CPPED1: variants seen among roughly 807,000 people sequenced by gnomAD.
CPPED1 encodes the protein serine/threonine-protein phosphatase CPPED1.
Under a neutral mutation model 28.0 loss-of-function variants are expected in CPPED1, and 28 were observed. The observed-to-expected ratio is 1.00, with a 90% CI of 0.74 to 1.37. CPPED1 has a LOEUF of 1.37. CPPED1 is among the 40% of genes most tolerant of loss of function. The probability of loss-of-function intolerance (pLI) is 0.00; values close to 1 mark genes in which losing one functional copy is unlikely to be tolerated. For missense variants in CPPED1, 504 were observed against 416.5 expected (o/e 1.21, Z -1.83); for synonymous variants, 198 against 180.2 (o/e 1.10, Z -0.79).
At chr16:12,747,757 T>C (rs894486217) in intron 2 of CPPED1, among the ~76,000 whole-genome samples, 10 of 152,322 alleles carry the variant, frequency 6.6e-5, no homozygotes, top group East Asian at 1.9e-4. Context: ...GCACTCATTA[T>C]TGTGATTGTA....
intron 2 of CPPED1, among the ~76,000 whole-genome samples, chr16:12,739,138 G>A (rs993322655): frequency 3.3e-5 from 5 of 152,102 alleles, no homozygotes; most frequent in African/African-American, 4.8e-5. Flanking sequence ...AAATAGTAGC[G>A]CCTCACTGGA....
chr16:12,774,510 A>T (rs1453099787), intron 2 of CPPED1, among the ~76,000 whole-genome samples: 1 of 152,136 alleles, frequency 6.6e-6, no homozygotes, highest in Non-Finnish European at 1.5e-5. Context: ...CTTATTAACA[A>T]GGGCTTTTGT....
At chr16:12,751,201 T>C (rs939667943) in intron 2 of CPPED1, among the ~76,000 whole-genome samples, 1 of 152,190 alleles carries the variant, frequency 6.6e-6, no homozygotes, top group South Asian at 2.1e-4. Context: ...CAGAGGAATG[T>C]TCTCAGGGAG....
chr16:12,754,716 T>C (rs1009005967), intron 2 of CPPED1, among the ~76,000 whole-genome samples: 6 of 152,140 alleles, frequency 3.9e-5, no homozygotes, highest in Non-Finnish European at 5.9e-5. Flanking sequence ...AAGTGTAGCA[T>C]AGGCAGGTGC....
chr16:12,708,039 C>T (rs528616765), intron 2 of CPPED1, among the ~76,000 whole-genome samples: 5 of 152,178 alleles, frequency 3.3e-5, no homozygotes, highest in Admixed American at 6.5e-5. Context: ...CCCAGCTACT[C>T]GGGAGGCTGA....
rs2080066990 is a variant in CPPED1, at chr16:12,709,190, C to T, written c.290-4141G>A. Among the ~76,000 whole-genome samples the T allele has an allele frequency of 6.6e-6, 1 of 152,112 alleles. No homozygotes were observed. Among genetic ancestry groups the T allele is most frequent in the Non-Finnish European group, 1.5e-5 (1 of 68,032 alleles). Reference sequence around the variant, plus strand: ...AGGACACAGAGCTTCAATGAGTTTCCTGTCTCACGCAGGGTTCTATGTTCA... The same window carrying T: ...AGGACACAGAGCTTCAATGAGTTTCTTGTCTCACGCAGGGTTCTATGTTCA... On this transcript the variant is annotated intron_variant, in intron 2 of 3. Coordinates refer to ENST00000381774, the MANE Select transcript of CPPED1 (RefSeq NM_018340.3). This position sits in a 1 kb window ranked among gnomAD's most constrained non-coding sequence, Gnocchi z 4.4.
chr16:12,772,099 G>A (rs1350515702), intron 2 of CPPED1, among the ~76,000 whole-genome samples: 2 of 152,160 alleles, frequency 1.3e-5, no homozygotes, highest in South Asian at 2.1e-4. Context: ...CTCCAGCCTG[G>A]GCAACAGAAC....
rs1424502695 is a variant in CPPED1, at chr16:12,688,189, C to A, written c.715+16435G>T. Reference sequence around the variant, plus strand: ...GGGACTACAGGTGCACACCACAACACTCACACAATCTTAAGAGGAACCACA... The same window carrying A: ...GGGACTACAGGTGCACACCACAACAATCACACAATCTTAAGAGGAACCACA... On this transcript the variant is annotated intron_variant, in intron 3 of 3. Transcript: ENST00000381774. Among the ~76,000 whole-genome samples the A allele has an allele frequency of 2.0e-5, 3 of 151,916 alleles. No individual in the cohort carries two copies. The Admixed American group carries it at 2.0e-4, about 10-fold the overall frequency.
chr16:12,788,990 G>A (rs936061416), intron 1 of CPPED1, among the ~76,000 whole-genome samples: 17 of 152,230 alleles, frequency 1.1e-4, no homozygotes, highest in African/African-American at 3.6e-4. Context: ...CTCGACGTCT[G>A]TGGATGAGGT....
intron 2 of CPPED1, among the ~76,000 whole-genome samples, chr16:12,726,828 A>ATAAG (rs1567287888): frequency 6.6e-6 from 1 of 152,142 alleles, no homozygotes; most frequent in Non-Finnish European, 1.5e-5. Flanking sequence ...AAATAAATAA[A>ATAAG]TAAAATAAAA....
At chr16:12,801,891 G>T (rs2080662130) in intron 1 of CPPED1, among the ~76,000 whole-genome samples, 2 of 152,124 alleles carry the variant, frequency 1.3e-5, no homozygotes, top group African/African-American at 4.8e-5. Flanking sequence ...GGAGGAAATG[G>T]TTACTCAAAT....
chr16:12,770,819 CAAGGAAAGGAAAGGGAGGGCAG>C (rs2080465737), intron 2 of CPPED1, among the ~76,000 whole-genome samples: 1 of 131,252 alleles, frequency 7.6e-6, no homozygotes. Flanking sequence ...GAGGCTATAT[CAAGGAAAGGAAAGGGAGGGCAG>C]AAGGAAAGGA....
At chr16:12,686,934 C>T (rs1338572341) in intron 3 of CPPED1, among the ~76,000 whole-genome samples, 1 of 152,024 alleles carries the variant, frequency 6.6e-6, no homozygotes, top group Non-Finnish European at 1.5e-5. Context: ...ATATAAGCAT[C>T]AGTGGTGACT....
chr16:12,721,087 G>A (rs1476326412), intron 2 of CPPED1, among the ~76,000 whole-genome samples: 1 of 152,146 alleles, frequency 6.6e-6, no homozygotes, highest in African/African-American at 2.4e-5. Context: ...GGGAACCCAG[G>A]TGGAGTGACT....
At chr16:12,712,327 C>A (rs1382397492) in intron 2 of CPPED1, among the ~76,000 whole-genome samples, 1 of 152,162 alleles carries the variant, frequency 6.6e-6, no homozygotes, top group Non-Finnish European at 1.5e-5. Context: ...TGGTTAAGAT[C>A]ATAGCTCAGT....
intron 1 of CPPED1, among the ~76,000 whole-genome samples, chr16:12,801,241 G>C (rs1049139663): frequency 1.3e-5 from 2 of 152,096 alleles, no homozygotes; most frequent in African/African-American, 4.8e-5. Context: ...CTACAGGCAT[G>C]TGCCACCACA....
chr16:12,704,524 C>T (rs917560574), intron 3 of CPPED1, 100 bp downstream of exon 3: 1 of 1,291,008 alleles, frequency 7.7e-7, no homozygotes, highest in Non-Finnish European at 1.1e-6. Flanking sequence ...CTAGTCCTCT[C>T]TCCCTTTTTG....
intron 2 of CPPED1, among the ~76,000 whole-genome samples, chr16:12,734,093 C>T (rs1372161076): frequency 1.7e-4 from 15 of 87,854 alleles, no homozygotes; most frequent in African/African-American, 6.5e-4. Context: ...TTTTTTGAGA[C>T]GAGTCATGCT....
chr16:12,715,103 C>T (rs904811816), intron 2 of CPPED1, among the ~76,000 whole-genome samples: 5 of 152,192 alleles, frequency 3.3e-5, no homozygotes, highest in South Asian at 4.2e-4. Flanking sequence ...ATCCATTGAC[C>T]CTAAATGTGA....
Sources: gnomAD v4.1 joint callset for allele counts (sites outside exome capture counted in the v4.1 genomes callset) on GRCh38, gnomAD v4.1.1 for gene constraint, Gnocchi (gnomAD v3.1) non-coding constraint, MANE v1.5 for transcripts, NCBI Gene and HGNC (gene_info 2026-07-23, HGNC 2026-07-21) for gene names.